The following TMEM26 variants were observed in gnomAD, a reference collection of about 807,000 sequenced individuals.
TMEM26 encodes transmembrane protein 26.
In TMEM26, 38 loss-of-function variants were observed where a neutral mutation model predicts 28.8. The ratio of observed to expected loss-of-function variants is 1.32; its 90% CI spans 1.02 to 1.73. The LOEUF is 1.73. Among genes scored for constraint, TMEM26 ranks in the 40% most tolerant of loss-of-function variants. TMEM26 has a pLI of 0.00. For missense variants in TMEM26, 518 were observed against 447.1 expected, an observed-to-expected ratio of 1.16 and a Z score of -1.43; for synonymous variants, 227 against 182.9, an observed-to-expected ratio of 1.24 and a Z score of -1.95.
intron 1 of TMEM26, chr10:61,452,523 C>T (rs1840305181): frequency 4.6e-6 from 1 of 215,924 alleles, no homozygotes; most frequent in Admixed American, 5.0e-5. Context: ...CACTCACACA[C>T]CCCAGTTTCA....
Position 61,417,580 on chromosome 10 carries a change from GAA to G in TMEM26, c.606-4047_606-4046del, listed in dbSNP as rs1289733582. On this transcript the variant is annotated intron_variant, in intron 4 of 5. Coordinates refer to ENST00000399298, the MANE Select transcript of TMEM26 (RefSeq NM_178505.8). ...AAATATTTCACCATTTCTTCCAGGT[GAA>G]AAAGAGATTAGCCTCAACTCTGCAA... Among the ~76,000 whole-genome samples the G allele has an allele frequency of 4.0e-5, 6 of 151,640 alleles. No homozygotes were observed. In the East Asian group the frequency reaches 1.2e-3, roughly 29 times the overall value.
chr10:61,435,125 T>A (rs1839982694), intron 2 of TMEM26, among the ~76,000 whole-genome samples: 1 of 152,156 alleles, frequency 6.6e-6, no homozygotes, highest in African/African-American at 2.4e-5. Context: ...TTATTAGAGT[T>A]GTCTGTGTAG....
chr10:61,447,266 A>C (rs1442327119), intron 1 of TMEM26, among the ~76,000 whole-genome samples: 1 of 152,172 alleles, frequency 6.6e-6, no homozygotes, highest in Non-Finnish European at 1.5e-5. Context: ...ATTTTCATAA[A>C]CATTTTTGAT....
chr10:61,425,149 A>C (rs1839809744), intron 4 of TMEM26, among the ~76,000 whole-genome samples: 1 of 152,164 alleles, frequency 6.6e-6, no homozygotes, highest in South Asian at 2.1e-4. Flanking sequence ...GACAGCAGGC[A>C]AAGAGGGCTT....
At chr10:61,413,810 T>C (rs1279086104) in intron 4 of TMEM26, 1 of 1,069,054 alleles carries the variant, frequency 9.4e-7, no homozygotes, top group East Asian at 6.2e-5. Context: ...TACAAAATTA[T>C]GGAAACATTA....
chr10:61,436,972 C>T (rs755888844), intron 1 of TMEM26, among the ~76,000 whole-genome samples: 17 of 152,152 alleles, frequency 1.1e-4, no homozygotes, highest in African/African-American at 2.4e-4. Context: ...TCCACAAAAA[C>T]GTCACTGCAT....
intron 1 of TMEM26, among the ~76,000 whole-genome samples, chr10:61,452,027 G>A (rs1046360946): frequency 1.3e-5 from 2 of 151,532 alleles, no homozygotes; most frequent in African/African-American, 2.4e-5. Flanking sequence ...CCTATTTAAA[G>A]AATTAAAAGA....
intron 4 of TMEM26, among the ~76,000 whole-genome samples, chr10:61,423,739 TA>T (rs1283018747): frequency 6.6e-6 from 1 of 151,940 alleles, no homozygotes; most frequent in East Asian, 1.9e-4. Context: ...TCTCAAAAGA[TA>T]AAAAAAGATT....
At chr10:61,441,747 A>G (rs1840096661) in intron 1 of TMEM26, among the ~76,000 whole-genome samples, 1 of 152,220 alleles carries the variant, frequency 6.6e-6, no homozygotes, top group African/African-American at 2.4e-5. Context: ...ATACCCTATT[A>G]CCAGTGAGCT....
chr10:61,429,399 T>G (rs1839885755), intron 3 of TMEM26, among the ~76,000 whole-genome samples: 1 of 152,098 alleles, frequency 6.6e-6, no homozygotes. Context: ...CGAGTGGGAT[T>G]GTACCATATA....
At chr10:61,445,679 T>C (rs1026824534) in intron 1 of TMEM26, among the ~76,000 whole-genome samples, 3 of 147,886 alleles carry the variant, frequency 2.0e-5, no homozygotes, top group African/African-American at 8.0e-5. Context: ...ACATTAAATT[T>C]TTTTTTAAAA....
intron 1 of TMEM26, among the ~76,000 whole-genome samples, chr10:61,446,139 T>C (rs1268750779): frequency 2.6e-5 from 4 of 152,232 alleles, no homozygotes; most frequent in African/African-American, 9.6e-5. Flanking sequence ...ACATAATTAT[T>C]ACATTGATCT....
intron 4 of TMEM26, among the ~76,000 whole-genome samples, chr10:61,417,306 T>G (rs1302548746): frequency 6.6e-6 from 1 of 152,008 alleles, no homozygotes; most frequent in Non-Finnish European, 1.5e-5. Flanking sequence ...TGAAAAAAAT[T>G]GTAAGATAAA....
chr10:61,421,828 G>T (rs1839754274), intron 4 of TMEM26, among the ~76,000 whole-genome samples: 1 of 152,042 alleles, frequency 6.6e-6, no homozygotes, highest in South Asian at 2.1e-4. Flanking sequence ...TGCTATAATA[G>T]CCCTAGTAAA....
At chr10:61,431,398 G>T in intron 2 of TMEM26, 66 bp from the exon 3 acceptor site, 1 of 1,117,038 alleles carries the variant, frequency 9.0e-7, no homozygotes, top group South Asian at 1.3e-5. Flanking sequence ...AGATCAAAAT[G>T]ACTTAAATCT....
chr10:61,410,108 G>C lies in TMEM26; in HGVS notation c.*214C>G. The stretch of plus-strand genomic sequence containing the variant: ...TAGTCGTTGAACAACTATAACATCT[G>C]ATACCATCACACAGAAGTTGTAGCA... On this transcript the variant is annotated 3_prime_UTR_variant, in exon 6 of 6. Coordinates refer to ENST00000399298, the MANE Select transcript of TMEM26 (RefSeq NM_178505.8). The C allele has an allele frequency of 1.7e-6, 1 of 584,022 alleles. No homozygotes were observed. Among genetic ancestry groups the C allele is most frequent in the Non-Finnish European group, 3.0e-6 (1 of 330,744 alleles). 36.2% of individuals were successfully genotyped at this position (584,022 alleles called of 1,614,324 possible).
intron 4 of TMEM26, among the ~76,000 whole-genome samples, chr10:61,417,275 C>T (rs1355553596): frequency 1.3e-5 from 2 of 151,952 alleles, no homozygotes; most frequent in African/African-American, 2.4e-5. Context: ...TAATTATTGA[C>T]ATTAGTATCA....
Position 61,452,953 on chromosome 10 carries a change from G to C in TMEM26, c.129C>G (p.Asn43Lys). Residue 43 changes from asparagine (N) to lysine (K), a missense_variant, in exon 1 of 6, where the codon AAC becomes AAG. Coordinates refer to ENST00000399298, the MANE Select transcript of TMEM26 (RefSeq NM_178505.8). ...EPRYWLLALL[N>K]LLLFLETALT... Reference sequence around the variant, plus strand: ...GCGCAGTCTCCAGGAAGAGCAAGAGGTTGAGCAGCGCAAGCAGCCAGTACC... The same window carrying C: ...GCGCAGTCTCCAGGAAGAGCAAGAGCTTGAGCAGCGCAAGCAGCCAGTACC... 1 of 1,614,090 alleles carries C rather than the reference G, an allele frequency of 6.2e-7. No homozygotes were observed. The highest frequency in any genetic ancestry group is 8.5e-7 in the Non-Finnish European group (1 of 1,180,014).
At chr10:61,439,172 T>C (rs1457975446) in intron 1 of TMEM26, among the ~76,000 whole-genome samples, 2 of 152,212 alleles carry the variant, frequency 1.3e-5, no homozygotes, top group Non-Finnish European at 2.9e-5. Context: ...AACATTCTAC[T>C]TGTATTTTAA....
Sources: allele counts gnomAD v4.1 joint callset (sites outside exome capture counted in the v4.1 genomes callset), GRCh38; gene constraint gnomAD v4.1.1; transcripts MANE v1.5; gene names NCBI Gene and HGNC (gene_info 2026-07-23, HGNC 2026-07-21).